ASB18: variants seen among roughly 807,000 people sequenced by gnomAD.
The protein encoded by ASB18 is ankyrin repeat and SOCS box containing 18.
ASB18 carries 33 observed loss-of-function variants against 33.4 expected under a neutral mutation model. The observed-to-expected ratio is 0.99, with a 90% CI of 0.75 to 1.32. The LOEUF is 1.32. Ranked by LOEUF, ASB18 falls within the 40% of genes most tolerant of loss-of-function variation. The pLI is 0.00. For synonymous variants in ASB18, 295 were observed against 307.6 expected (o/e 0.96, Z 0.43); for missense variants, 694 against 655.5 (o/e 1.06, Z -0.64).
Position 236,241,255 on chromosome 2 carries a change from A to T in ASB18, c.328+25T>A. ...ATTAGTAGCCCCTTAAAAATAAATG[A>T]CTGAGCTTTAAAGAACAAGGGTACC... is the stretch of plus-strand genomic sequence containing the variant. On this transcript the variant is annotated intron_variant, in intron 2 of 5. Transcript: ENST00000409749. The surrounding 1 kb of genome is among the most constrained non-coding windows in gnomAD (Gnocchi z 4.2). 1.2e-6 allele frequency: 2 copies of T among 1,612,228 alleles called. No individual in the cohort carries two copies. The highest frequency in any genetic ancestry group is 1.7e-6 in the Non-Finnish European group (2 of 1,178,588).
Position 236,195,224 on chromosome 2 carries a change from C to T in ASB18, c.1216-167G>A, listed in dbSNP as rs1295652566. Among the ~76,000 whole-genome samples, 1 of 152,236 alleles carries T rather than the reference C, an allele frequency of 6.6e-6. No homozygotes were observed. Among genetic ancestry groups the T allele is most frequent in the Non-Finnish European group, 1.5e-5 (1 of 68,046 alleles). On this transcript the variant is annotated intron_variant, in intron 5 of 5. Transcript: ENST00000409749. This position sits in a 1 kb window ranked among gnomAD's most constrained non-coding sequence, Gnocchi z 5.5. ...ATCTTGTGGGAACCACCCTCTACCC[C>T]AGGGGCTTGTGTGCTCTCCCAAAGC...
chr2:236,236,479 C>A (rs530207375), intron 3 of ASB18, among the ~76,000 whole-genome samples: 2 of 152,242 alleles, frequency 1.3e-5, no homozygotes, highest in African/African-American at 4.8e-5. Context: ...TATAAGTCTG[C>A]GGAATTTATC....
rs1576406799 is a variant in ASB18 at position 236,237,984 on chromosome 2, T to G, written c.329-28A>C. 2 of 1,460,386 alleles carry G rather than the reference T, an allele frequency of 1.4e-6. No homozygotes were observed. The highest frequency in any genetic ancestry group is 1.3e-5 in the South Asian group (1 of 75,712). The allele number at this position is 1,460,386 out of a possible 1,614,324, so 90.5% of individuals were successfully genotyped here. A position where few individuals can be genotyped will look rare whatever the true frequency, so the allele number is the denominator to read the frequency against. ...GCGGGGAGGGAGGTGGGATGTAAGG[T>G]CAGGGGGAGGTTAGTTGTGGTGGTG... is the stretch of plus-strand genomic sequence containing the variant. On this transcript the variant is annotated intron_variant, in intron 2 of 5. Transcript: ENST00000409749. This position sits in a 1 kb window ranked among gnomAD's most constrained non-coding sequence, Gnocchi z 6.2.
chr2:236,260,017 GTTTC>G lies in ASB18; in HGVS notation c.205+4120_205+4123del, dbSNP rs1218061894. ...ACATGGATGCATCAAAATAAATTCT[GTTTC>G]TTTCTGTTCTATTTGGTGGGAGTAG... is the stretch of plus-strand genomic sequence containing the variant. On this transcript the variant is annotated intron_variant, in intron 1 of 5. Coordinates refer to ENST00000409749, the MANE Select transcript of ASB18 (RefSeq NM_212556.4). This position sits in a 1 kb window ranked among gnomAD's most constrained non-coding sequence, Gnocchi z 5.1. 2.0e-5 allele frequency among the ~76,000 whole-genome samples: 3 copies of G among 152,134 alleles called. No homozygotes were observed. Among genetic ancestry groups the G allele is most frequent in the Non-Finnish European group, 4.4e-5 (3 of 68,022 alleles).
In ASB18 at chr2:236,203,685, G is replaced by GA. The variant is rs771723339; in HGVS notation, c.1102-7301dup. Among the ~76,000 whole-genome samples, 7 of 152,166 alleles carry GA rather than the reference G, an allele frequency of 4.6e-5. No individual in the cohort carries two copies. Among genetic ancestry groups the GA allele is most frequent in the Non-Finnish European group, 8.8e-5 (6 of 68,034 alleles). On this transcript the variant is annotated intron_variant, in intron 4 of 5. Transcript: ENST00000409749. This position sits in a 1 kb window ranked among gnomAD's most constrained non-coding sequence, Gnocchi z 6.0. The stretch of plus-strand genomic sequence containing the variant: ...GTTTGAGACTAGCCTGGGCAACATG[G>GA]AGAAACCCTGTTTCTACAAAAAATA...
At position 236,196,767 on chromosome 2, in the gene ASB18, G is replaced by T. The variant is rs1223314664; in HGVS notation, c.1102-382C>A. ...TCTGCTAGGAGGAAGTTTGGCCCGA[G>T]GATGGTGTTCCCAATTTCTTACCTC... On this transcript the variant is annotated intron_variant, in intron 4 of 5. Coordinates refer to ENST00000409749, the MANE Select transcript of ASB18 (RefSeq NM_212556.4). The surrounding 1 kb of genome is among the most constrained non-coding windows in gnomAD (Gnocchi z 5.6). Among the ~76,000 whole-genome samples the T allele has an allele frequency of 6.6e-6, 1 of 152,210 alleles. No homozygotes were observed. Among genetic ancestry groups the T allele is most frequent in the African/African-American group, 2.4e-5 (1 of 41,458 alleles).
Position 236,214,754 on chromosome 2 carries a change from G to T in ASB18, c.709C>A (p.Leu237Met). 1 of 1,177,442 alleles carries T rather than the reference G, an allele frequency of 8.5e-7. No individual in the cohort carries two copies. The highest frequency in any genetic ancestry group is 3.9e-5 in the South Asian group (1 of 25,550). 72.9% of individuals were successfully genotyped at this position (1,177,442 alleles called of 1,614,324 possible). A position where few individuals can be genotyped will look rare whatever the true frequency, so the allele number is the denominator to read the frequency against. ...ACGTGCGCCCCGCGGCCCAGGTACA[G>T]GCGCGCGTGCTCGTCCAGGCCGCGC... Reference protein sequence around the residue: ...AQRGLDEHARLYLGRGAHVDA... With the variant: ...AQRGLDEHARMYLGRGAHVDA... The change falls in exon 4 of 6, where the codon CTG becomes ATG. Residue 237 changes from leucine (L) to methionine (M), a missense_variant. Physicochemically the swap from Leu to Met is conservative, Grantham distance 15 (BLOSUM62 2). Coordinates refer to ENST00000409749, the MANE Select transcript of ASB18 (RefSeq NM_212556.4). The surrounding 1 kb of genome is among the most constrained non-coding windows in gnomAD (Gnocchi z 6.5).
Position 236,234,584 on chromosome 2 carries a change from C to CT in ASB18, c.596+3104dup, listed in dbSNP as rs2060580370. Reference sequence around the variant, plus strand: ...CAGACTTTGCCCTGCTTTGCACATGCTTGACAAGAGAGCTCAGAAATAAAC... The same window carrying CT: ...CAGACTTTGCCCTGCTTTGCACATGCTTTGACAAGAGAGCTCAGAAATAAAC... On this transcript the variant is annotated intron_variant, in intron 3 of 5. Coordinates refer to ENST00000409749, the MANE Select transcript of ASB18 (RefSeq NM_212556.4). This position sits in a 1 kb window ranked among gnomAD's most constrained non-coding sequence, Gnocchi z 4.1. Among the ~76,000 whole-genome samples the CT allele has an allele frequency of 6.6e-6, 1 of 152,178 alleles. No homozygotes were observed. The highest frequency in any genetic ancestry group is 1.5e-5 in the Non-Finnish European group (1 of 68,040).
rs962738905 is a variant in ASB18, at chr2:236,234,247, A to C, written c.596+3442T>G. On this transcript the variant is annotated intron_variant, in intron 3 of 5. Coordinates refer to ENST00000409749, the MANE Select transcript of ASB18 (RefSeq NM_212556.4). This position sits in a 1 kb window ranked among gnomAD's most constrained non-coding sequence, Gnocchi z 4.1. ...AAGACCCTTGCCCCCTCCCCTGGCTATGTCCCCTAGGAGGCTGCTATGAGA... is the reference window on the plus strand; with the variant it reads ...AAGACCCTTGCCCCCTCCCCTGGCTCTGTCCCCTAGGAGGCTGCTATGAGA... 4.6e-5 allele frequency among the ~76,000 whole-genome samples: 7 copies of C among 152,102 alleles called. No individual in the cohort carries two copies. Among genetic ancestry groups the C allele is most frequent in the South Asian group, 2.1e-4 (1 of 4,822 alleles).
In ASB18 at chr2:236,203,380, G is replaced by A. The variant is rs1484182488; in HGVS notation, c.1102-6995C>T. ...TAGGCAGAGAAAACGTATTATGCCAGGTTTGGGAGGTGAGAAGGAGCAAAT... is the reference window on the plus strand; with the variant it reads ...TAGGCAGAGAAAACGTATTATGCCAAGTTTGGGAGGTGAGAAGGAGCAAAT... On this transcript the variant is annotated intron_variant, in intron 4 of 5. Coordinates refer to ENST00000409749, the MANE Select transcript of ASB18 (RefSeq NM_212556.4). The surrounding 1 kb of genome is among the most constrained non-coding windows in gnomAD (Gnocchi z 6.0). Among the ~76,000 whole-genome samples, 4 of 152,182 alleles carry A rather than the reference G, an allele frequency of 2.6e-5. No individual in the cohort carries two copies. Among genetic ancestry groups the A allele is most frequent in the Non-Finnish European group, 5.9e-5 (4 of 68,044 alleles).
Position 236,255,512 on chromosome 2 carries a change from G to A in ASB18, c.205+8629C>T, listed in dbSNP as rs1299980059. On this transcript the variant is annotated intron_variant, in intron 1 of 5. Transcript: ENST00000409749. The surrounding 1 kb of genome is among the most constrained non-coding windows in gnomAD (Gnocchi z 4.4). ...GGAGATGTATTTCTTTTTCAGGTGG[G>A]CACATTGCATGCCACAGGGATTTTG... 2.0e-5 allele frequency among the ~76,000 whole-genome samples: 3 copies of A among 152,128 alleles called. No individual in the cohort carries two copies. The highest frequency in any genetic ancestry group is 4.8e-5 in the African/African-American group (2 of 41,412).
rs541526170 is a variant in ASB18 at position 236,262,904 on chromosome 2, C to T, written c.205+1237G>A. 6.6e-5 allele frequency among the ~76,000 whole-genome samples: 10 copies of T among 152,236 alleles called. No individual in the cohort carries two copies. Among genetic ancestry groups the T allele is most frequent in the South Asian group, 4.1e-4 (2 of 4,824 alleles). ...ACCAAGGGGGGGGGGCGGACCCCCT[C>T]GGAAGTTCCAATCTCAGACTCCTCG... On this transcript the variant is annotated intron_variant, in intron 1 of 5. Coordinates refer to ENST00000409749, the MANE Select transcript of ASB18 (RefSeq NM_212556.4). This position sits in a 1 kb window ranked among gnomAD's most constrained non-coding sequence, Gnocchi z 5.2.
At position 236,237,946 on chromosome 2, in the gene ASB18, G is replaced by T; in HGVS notation, c.339C>A (p.Thr113=). The change falls in exon 3 of 6, where the codon ACC becomes ACA. Residue 113 remains threonine (T), a synonymous_variant. Transcript: ENST00000409749. The surrounding 1 kb of genome is among the most constrained non-coding windows in gnomAD (Gnocchi z 6.2). ...TGGTGAGCTCACGCTTGTACTCCAG[G>T]GTCCAGAGGCCTGCGGGGAGGGAGG... is the stretch of plus-strand genomic sequence containing the variant. ...PATFGLSGLW[T]LEYKRELTTP... 1 of 1,502,026 alleles carries T rather than the reference G, an allele frequency of 6.7e-7. No individual in the cohort carries two copies. The highest frequency in any genetic ancestry group is 1.2e-5 in the South Asian group (1 of 81,774). The allele number at this position is 1,502,026 out of a possible 1,614,324, so 93.0% of individuals were successfully genotyped here.
Position 236,195,139 on chromosome 2 carries a change from A to T in ASB18, c.1216-82T>A. 1 of 1,329,644 alleles carries T rather than the reference A, an allele frequency of 7.5e-7. No individual in the cohort carries two copies. Among genetic ancestry groups the T allele is most frequent in the Non-Finnish European group, 1.0e-6 (1 of 968,852 alleles). The allele number at this position is 1,329,644 out of a possible 1,614,324, so 82.4% of individuals were successfully genotyped here. A position where few individuals can be genotyped will look rare whatever the true frequency, so the allele number is the denominator to read the frequency against. On this transcript the variant is annotated intron_variant, in intron 5 of 5. Coordinates refer to ENST00000409749, the MANE Select transcript of ASB18 (RefSeq NM_212556.4). The surrounding 1 kb of genome is among the most constrained non-coding windows in gnomAD (Gnocchi z 5.5). ...TCTTCTTAGCCAGACCACTGATGGT[A>T]CAAGCGGGCTTTTCTATGGCTAACT... is the stretch of plus-strand genomic sequence containing the variant.
chr2:236,246,341 C>T (rs1276489190), intron 1 of ASB18, among the ~76,000 whole-genome samples: 1 of 76,812 alleles, frequency 1.3e-5, no homozygotes, highest in Non-Finnish European at 2.1e-5. Flanking sequence ...AGCAAGACTC[C>T]ATCTCAAAAA....
chr2:236,198,735 G>A (rs1356472182), intron 4 of ASB18, among the ~76,000 whole-genome samples: 1 of 152,158 alleles, frequency 6.6e-6, no homozygotes, highest in Non-Finnish European at 1.5e-5. Context: ...GCTCAATTAT[G>A]TCTTTTGCTC....
At chr2:236,212,772 A>C (rs1346985949) in intron 4 of ASB18, among the ~76,000 whole-genome samples, 2 of 151,986 alleles carry the variant, frequency 1.3e-5, no homozygotes, top group Non-Finnish European at 2.9e-5. Flanking sequence ...CTACAGGTGC[A>C]TGCCACCAGG....
chr2:236,238,610 G>GGTGTGTGTGTGTGTGTGTGTGTGT lies in ASB18; in HGVS notation c.329-655_329-654insACACACACACACACACACACACAC, dbSNP rs149889496. ...GGTTTGTTTCTTTGCGCTTTTTAGG[G>GGTGTGTGTGTGTGTGTGTGTGTGT]GTGTGTGTGTGTGTGTGTGTAGGGT... is the stretch of plus-strand genomic sequence containing the variant. On this transcript the variant is annotated intron_variant, in intron 2 of 5. Coordinates refer to ENST00000409749, the MANE Select transcript of ASB18 (RefSeq NM_212556.4). The surrounding 1 kb of genome is among the most constrained non-coding windows in gnomAD (Gnocchi z 5.2). 3.3e-5 allele frequency among the ~76,000 whole-genome samples: 5 copies of GGTGTGTGTGTGTGTGTGTGTGTGT among 150,270 alleles called. No homozygotes were observed. Among genetic ancestry groups the GGTGTGTGTGTGTGTGTGTGTGTGT allele is most frequent in the African/African-American group, 9.8e-5 (4 of 40,770 alleles).
rs576963256 is a variant in ASB18 at position 236,200,199 on chromosome 2, A to C, written c.1102-3814T>G. Among the ~76,000 whole-genome samples the C allele has an allele frequency of 6.6e-6, 1 of 152,206 alleles. No homozygotes were observed. Among genetic ancestry groups the C allele is most frequent in the East Asian group, 1.9e-4 (1 of 5,168 alleles). On this transcript the variant is annotated intron_variant, in intron 4 of 5. Coordinates refer to ENST00000409749, the MANE Select transcript of ASB18 (RefSeq NM_212556.4). This position sits in a 1 kb window ranked among gnomAD's most constrained non-coding sequence, Gnocchi z 4.2. ...CCATCTCTACTAAAAATACAACAAA[A>C]TTAGCCAGGCATGGTGGTGCACATC... is the stretch of plus-strand genomic sequence containing the variant.
Sources: allele counts gnomAD v4.1 joint callset (sites outside exome capture counted in the v4.1 genomes callset), GRCh38; gene constraint gnomAD v4.1.1; non-coding constraint Gnocchi (gnomAD v3.1); transcripts MANE v1.5; gene names NCBI Gene and HGNC (gene_info 2026-07-23, HGNC 2026-07-21).